TMEM234: variants seen among roughly 807,000 people sequenced by gnomAD.
TMEM234 encodes chromosome 1 open reading frame 91.
Under a neutral mutation model 17.8 loss-of-function variants are expected in TMEM234, and 21 were observed. That is an observed-to-expected ratio of 1.18 (90% CI 0.84 to 1.70). The LOEUF (loss-of-function observed/expected upper bound fraction) is 1.70, where lower values mean the gene tolerates loss of function less well. TMEM234 is among the 40% of genes most tolerant of loss of function. TMEM234 has a pLI of 0.00. For synonymous variants in TMEM234, 83 were observed against 73.5 expected (o/e 1.13, Z -0.66); for missense variants, 137 against 166.9 (o/e 0.82, Z 0.99).
downstream of TMEM234, chr1:32,214,848 C>G (rs752730834): frequency 3.2e-5 from 51 of 1,613,800 alleles, no homozygotes; most frequent in Non-Finnish European, 3.9e-5. Context: ...GGAACCAGAC[C>G]GAATTAAGCC....
downstream of TMEM234, chr1:32,215,261 T>C (rs1177843066): frequency 4.7e-5 from 29 of 615,372 alleles, no homozygotes; most frequent in East Asian, 7.7e-4. Context: ...AGGGGTGGGA[T>C]ATAGAGGGGA....
At position 32,222,056 on chromosome 1, in the gene TMEM234, C is replaced by G. The variant is rs371160391; in HGVS notation, c.17-38G>C. ...GAGTGAGTCACCCTGACCCCCACCC[C>G]AAACGGCCGCCCACCCCGCCCTCTC... On this transcript the variant is annotated intron_variant, in intron 1 of 4. Transcript: ENST00000309777. 232 of 1,562,090 alleles carry G rather than the reference C, an allele frequency of 1.5e-4. No homozygotes were observed. In the African/African-American group the frequency reaches 2.8e-3, roughly 19 times the overall value.
At chr1:32,215,053 GAA>G (rs75232351), downstream of TMEM234, 10,009 of 1,016,256 alleles carry the variant, frequency 9.8e-3, no homozygotes, top group Admixed American at 0.012. Flanking sequence ...GCCGGCACTG[GAA>G]AAAAAAAAAA....
At chr1:32,215,971 T>A (rs997949201), downstream of TMEM234, 7 of 1,273,924 alleles carry the variant, frequency 5.5e-6, no homozygotes, top group East Asian at 1.8e-4. Context: ...CAGCAGCTTG[T>A]TCCTCAGGAG....
intron 3 of TMEM234, among the ~76,000 whole-genome samples, chr1:32,220,307 G>C (rs1638779746): frequency 6.6e-6 from 1 of 152,152 alleles, no homozygotes; most frequent in Non-Finnish European, 1.5e-5. Context: ...CTCCCAAGTA[G>C]CTGGGACTAC....
chr1:32,219,922 A>G (rs938483217), intron 3 of TMEM234, among the ~76,000 whole-genome samples: 3 of 152,204 alleles, frequency 2.0e-5, no homozygotes, highest in East Asian at 1.9e-4. Context: ...ATGAACTGTG[A>G]TAATGCATGG....
downstream of TMEM234, chr1:32,215,857 G>GGCAA (rs757874544): frequency 6.4e-7 from 1 of 1,552,894 alleles, no homozygotes; most frequent in South Asian, 1.2e-5. Context: ...CCTGGGGCTG[G>GGCAA]GGCTGCTATC....
chr1:32,216,559 C>A lies in TMEM234; in HGVS notation c.*294G>T. On this transcript the variant is annotated 3_prime_UTR_variant, in exon 5 of 5. Transcript: ENST00000309777. Reference sequence around the variant, plus strand: ...CCAGATCAGGCCACAGTAATGGTGGCTGGGCTGGGAGCCTGAGATGTTAGC... The same window carrying A: ...CCAGATCAGGCCACAGTAATGGTGGATGGGCTGGGAGCCTGAGATGTTAGC... 6.5e-7 allele frequency: 1 copy of A among 1,547,384 alleles called. No homozygotes were observed.
rs1638985996 is a variant in TMEM234 at position 32,222,168 on chromosome 1, G to A, written c.16+139C>T. 56 of 1,501,214 alleles carry A rather than the reference G, an allele frequency of 3.7e-5. No homozygotes were observed. The South Asian group carries it at 7.2e-4, about 19-fold the overall frequency. The allele number at this position is 1,501,214 out of a possible 1,614,324, so 93.0% of individuals were successfully genotyped here. Reference sequence around the variant, plus strand: ...GCGACTGGCGGCTAAGGCAGGCCCAGGGAAGCTAGGGAGATGAATCCAGGA... The same window carrying A: ...GCGACTGGCGGCTAAGGCAGGCCCAAGGAAGCTAGGGAGATGAATCCAGGA... On this transcript the variant is annotated intron_variant, in intron 1 of 4. Transcript: ENST00000309777.
chr1:32,217,581 G>C (rs1295723717), intron 3 of TMEM234: 11 of 911,208 alleles, frequency 1.2e-5, no homozygotes, highest in Non-Finnish European at 1.7e-5. Context: ...GACCAGCCTG[G>C]TTTGATAATG....
chr1:32,215,136 C>T, downstream of TMEM234: 1 of 695,660 alleles, frequency 1.4e-6, no homozygotes. Flanking sequence ...TGGTACTGAC[C>T]TCATCATAAC....
chr1:32,222,215 C>T (rs1014857648), intron 1 of TMEM234, 92 bp downstream of exon 1: 27 of 1,510,770 alleles, frequency 1.8e-5, no homozygotes, highest in Non-Finnish European at 2.3e-5. Flanking sequence ...GGGGTTGTAG[C>T]AGGGGTCGGG....
At chr1:32,222,209 T>C (rs2124251563) in intron 1 of TMEM234, 98 bp downstream of exon 1, 2 of 1,505,906 alleles carry the variant, frequency 1.3e-6, no homozygotes, top group East Asian at 2.3e-5. Context: ...GCCTCTGGGG[T>C]TGTAGCAGGG....
chr1:32,217,889 C>T (rs1025459773), intron 3 of TMEM234, among the ~76,000 whole-genome samples: 3 of 152,190 alleles, frequency 2.0e-5, no homozygotes, highest in Admixed American at 6.5e-5. Context: ...AAGCCTGCGC[C>T]GTTATTAAAC....
chr1:32,217,112 G>A, intron 4 of TMEM234, 147 bp downstream of exon 4: 5 of 1,569,616 alleles, frequency 3.2e-6, no homozygotes, highest in Non-Finnish European at 4.3e-6. Flanking sequence ...ATGGCCACAA[G>A]GAAGCAAAAC....
Position 32,222,317 on chromosome 1 carries a change from C to T in TMEM234, c.6G>A (p.Ala2=). The part of the protein sequence containing the change: M[A]ASLGQVLALV... Reference sequence around the variant, plus strand: ...GGGCCGGCTACCTACCCAGAGACGCCGCCATGGCAACGCCGCTGTCTTCTA... The same window carrying T: ...GGGCCGGCTACCTACCCAGAGACGCTGCCATGGCAACGCCGCTGTCTTCTA... The change falls in exon 1 of 5, where the codon GCG becomes GCA. Residue 2 remains alanine (A), a synonymous_variant. Transcript: ENST00000309777. The T allele has an allele frequency of 6.4e-7, 1 of 1,561,016 alleles. No individual in the cohort carries two copies. The highest frequency in any genetic ancestry group is 8.7e-7 in the Non-Finnish European group (1 of 1,152,438).
downstream of TMEM234, chr1:32,214,498 C>T: frequency 2.7e-6 from 1 of 369,306 alleles, no homozygotes; most frequent in Non-Finnish European, 5.0e-6. Context: ...TTATATTATC[C>T]AGCTCTAAGC....
At chr1:32,221,277 T>G in intron 2 of TMEM234, 80 bp from the exon 3 acceptor site, 2 of 1,153,060 alleles carry the variant, frequency 1.7e-6, no homozygotes, top group Non-Finnish European at 2.6e-6. Flanking sequence ...AGCGAATGTC[T>G]TTCCTTGGAG....
chr1:32,221,302 A>G, intron 2 of TMEM234, 105 bp from the exon 3 acceptor site: 1 of 858,782 alleles, frequency 1.2e-6, no homozygotes, highest in Non-Finnish European at 1.9e-6. Context: ...GCAGGGTTAT[A>G]AGGACCCAGA....
Sources: gnomAD v4.1 joint callset for allele counts (sites outside exome capture counted in the v4.1 genomes callset) on GRCh38, gnomAD v4.1.1 for gene constraint, MANE v1.5 for transcripts, NCBI Gene and HGNC (gene_info 2026-07-23, HGNC 2026-07-21) for gene names.